STMN4: variants seen among roughly 807,000 people sequenced by gnomAD.
STMN4 encodes stathmin-4.
STMN4 carries 12 observed loss-of-function variants against 29.1 expected under a neutral mutation model. The ratio of observed to expected loss-of-function variants is 0.41; its 90% CI spans 0.26 to 0.67. The LOEUF (loss-of-function observed/expected upper bound fraction) is 0.67. Ranked by LOEUF, STMN4 falls within the 30% of genes least tolerant of loss-of-function variation. The pLI, the probability that STMN4 is intolerant of heterozygous loss-of-function variation, is 0.30. For missense variants in STMN4, 181 were observed against 262.8 expected (o/e 0.69, Z 2.15); for synonymous variants, 114 against 105.3 (o/e 1.08, Z -0.51).
At position 27,236,915 on chromosome 8, in the gene STMN4, A is replaced by G. The variant is rs998832208; in HGVS notation, c.592-10T>C. 24 of 1,605,432 alleles carry G rather than the reference A, an allele frequency of 1.5e-5. No individual in the cohort carries two copies. Among genetic ancestry groups the G allele is most frequent in the Non-Finnish European group, 1.6e-5 (19 of 1,176,394 alleles). ...CCTCGGCGTGCTTGTCCTGGAAAGG[A>G]AGGGAGGGAAAAGGGCAGGTCACAC... On this transcript the variant is annotated splice_polypyrimidine_tract_variant and intron_variant, in intron 6 of 6. Coordinates refer to ENST00000350889, the MANE Select transcript of STMN4 (RefSeq NM_030795.4).
chr8:27,252,429 A>C (rs1034001622), intron 1 of STMN4, among the ~76,000 whole-genome samples: 1 of 152,174 alleles, frequency 6.6e-6, no homozygotes, highest in Non-Finnish European at 1.5e-5. Context: ...AAACAAATTT[A>C]CAAGAAAAAA....
chr8:27,242,526 C>T, intron 2 of STMN4, 34 bp from the exon 3 acceptor site: 1 of 1,604,754 alleles, frequency 6.2e-7, no homozygotes, highest in Non-Finnish European at 8.5e-7. Context: ...AGGATGGCGC[C>T]TCTCCTAGCC....
At position 27,258,354 on chromosome 8, in the gene STMN4, C is replaced by T. The variant is rs1351667640; in HGVS notation, c.-82G>A. On this transcript the variant is annotated 5_prime_UTR_variant, in exon 1 of 7. Transcript: ENST00000350889. ...GTTGCATTTTATTTCTACTTACGTG[C>T]AGTCCAGTTAGAAGCGAGCTGCTCT... 2 of 152,258 alleles carry T rather than the reference C, an allele frequency of 1.3e-5. No homozygotes were observed. The highest frequency in any genetic ancestry group is 2.9e-5 in the Non-Finnish European group (2 of 68,062). The allele number at this position is 152,258 out of a possible 1,614,324, so 9.4% of individuals were successfully genotyped here. A position where few individuals can be genotyped will look rare whatever the true frequency, so the allele number is the denominator to read the frequency against.
chr8:27,251,107 C>T (rs1433559276), intron 1 of STMN4, among the ~76,000 whole-genome samples: 1 of 151,938 alleles, frequency 6.6e-6, no homozygotes, highest in Non-Finnish European at 1.5e-5. Flanking sequence ...ATTAGCCCAG[C>T]GTGGTGGTGC....
intron 1 of STMN4, among the ~76,000 whole-genome samples, chr8:27,245,245 C>T (rs377675124): frequency 6.6e-6 from 1 of 152,170 alleles, no homozygotes; most frequent in Non-Finnish European, 1.5e-5. Context: ...GTCTCTTTGC[C>T]CTGTCTTTTG....
At chr8:27,255,074 C>T (rs73239473) in intron 1 of STMN4, among the ~76,000 whole-genome samples, 1 of 151,114 alleles carries the variant, frequency 6.6e-6, no homozygotes. Context: ...AAAAAAAAAA[C>T]AATTTTTAAA....
In STMN4 at chr8:27,241,144, A is replaced by G; in HGVS notation, c.309T>C (p.Val103=). ...VILKPPSFDG[V]PEFNASLPRR... ...TTGGCAGGGAGGCGTTGAACTCGGG[A>G]ACCCCATCAAAGGAGGGTGGCTTCA... The change falls in exon 5 of 7, where the codon GTT becomes GTC. Residue 103 remains valine, a synonymous_variant. Transcript: ENST00000350889. 2 of 1,614,206 alleles carry G rather than the reference A, an allele frequency of 1.2e-6. No individual in the cohort carries two copies. Among genetic ancestry groups the G allele is most frequent in the Non-Finnish European group, 1.7e-6 (2 of 1,180,046 alleles).
intron 1 of STMN4, among the ~76,000 whole-genome samples, chr8:27,244,299 T>C (rs1801562382): frequency 6.6e-6 from 1 of 152,184 alleles, no homozygotes; most frequent in Non-Finnish European, 1.5e-5. Context: ...ACAGGCCTCT[T>C]CAGATGCCTC....
Position 27,241,258 on chromosome 8 carries a change from G to C in STMN4, c.195C>G (p.Asp65Glu), listed in dbSNP as rs754988141. The C allele has an allele frequency of 6.2e-7, 1 of 1,614,176 alleles. No individual in the cohort carries two copies. The highest frequency in any genetic ancestry group is 1.1e-5 in the South Asian group (1 of 91,080). ...ADWRERRAQA[D>E]TVDLNWCVIS... Reference sequence around the variant, plus strand: ...TGACGCACCAATTCAGGTCCACCGTGTCTGCTACAGAGGGCAGAGAAGGGG... The same window carrying C: ...TGACGCACCAATTCAGGTCCACCGTCTCTGCTACAGAGGGCAGAGAAGGGG... The change falls in exon 5 of 7, where the codon GAC (aspartate) becomes GAG (glutamate). Residue 65 changes from aspartate to glutamate, a missense_variant. By Grantham distance (45) the Asp-to-Glu change is conservative (BLOSUM62 2). Coordinates refer to ENST00000350889, the MANE Select transcript of STMN4 (RefSeq NM_030795.4).
chr8:27,242,172 A>C (rs1801494023), intron 3 of STMN4: 1 of 587,236 alleles, frequency 1.7e-6, no homozygotes, highest in Admixed American at 3.0e-5. Context: ...GATCGAGTGC[A>C]CTCTGGGGGG....
intron 5 of STMN4, 62 bp downstream of exon 5, chr8:27,240,992 T>A (rs936302712): frequency 6.8e-5 from 104 of 1,529,056 alleles, no homozygotes; most frequent in Non-Finnish European, 9.0e-5. Flanking sequence ...CCACCACCTG[T>A]CTTCTCCACC....
At chr8:27,239,895 G>A in intron 6 of STMN4, 76 bp downstream of exon 6, 1 of 1,609,208 alleles carries the variant, frequency 6.2e-7, no homozygotes, top group Admixed American at 1.7e-5. Context: ...GAGATGATCA[G>A]CAGGTCCCCG....
intron 1 of STMN4, among the ~76,000 whole-genome samples, chr8:27,256,578 T>C (rs980598534): frequency 6.6e-6 from 1 of 152,218 alleles, no homozygotes; most frequent in African/African-American, 2.4e-5. Context: ...TGATTACAGA[T>C]ACAGACATAT....
At chr8:27,246,337 G>A (rs1437015122) in intron 1 of STMN4, among the ~76,000 whole-genome samples, 1 of 152,180 alleles carries the variant, frequency 6.6e-6, no homozygotes, top group Non-Finnish European at 1.5e-5. Flanking sequence ...ACCTCTCAGT[G>A]TTAAAAATGT....
rs1408720372 is a variant in STMN4, at chr8:27,236,063, A to G, written c.*783T>C. 1.3e-5 allele frequency: 2 copies of G among 152,204 alleles called. No individual in the cohort carries two copies. Among genetic ancestry groups the G allele is most frequent in the Non-Finnish European group, 1.5e-5 (1 of 68,042 alleles). The allele number at this position is 152,204 out of a possible 1,614,324, so 9.4% of individuals were successfully genotyped here. ...GTTTCTTTTCTCATCAATTTAGTGC[A>G]TGCTATCCAATAAAGATTAGCCCAC... On this transcript the variant is annotated 3_prime_UTR_variant, in exon 7 of 7. Coordinates refer to ENST00000350889, the MANE Select transcript of STMN4 (RefSeq NM_030795.4).
intron 2 of STMN4, among the ~76,000 whole-genome samples, chr8:27,243,370 G>T (rs1801531089): frequency 6.6e-6 from 1 of 152,098 alleles, no homozygotes; most frequent in Admixed American, 6.5e-5. Context: ...ACTATACCTG[G>T]CTTCCTTTTA....
At chr8:27,241,308 A>C in intron 4 of STMN4, 46 bp from the exon 5 acceptor site, 1 of 1,611,180 alleles carries the variant, frequency 6.2e-7, no homozygotes, top group South Asian at 1.1e-5. Context: ...AAGAATGCAC[A>C]GGCACCCAGC....
At chr8:27,249,574 C>T (rs1253200996) in intron 1 of STMN4, among the ~76,000 whole-genome samples, 1 of 152,180 alleles carries the variant, frequency 6.6e-6, no homozygotes, top group Non-Finnish European at 1.5e-5. Context: ...CAATGCCCTT[C>T]TCCTTTATAC....
chr8:27,251,201 TGAG>T (rs1801771523), intron 1 of STMN4, among the ~76,000 whole-genome samples: 1 of 151,898 alleles, frequency 6.6e-6, no homozygotes, highest in South Asian at 2.1e-4. Context: ...TGCAGTGAGC[TGAG>T]ATCATGCCAC....
Sources: allele counts gnomAD v4.1 joint callset (sites outside exome capture counted in the v4.1 genomes callset), GRCh38; gene constraint gnomAD v4.1.1; transcripts MANE v1.5; gene names NCBI Gene and HGNC (gene_info 2026-07-23, HGNC 2026-07-21).